The following PTPRD variants were observed in gnomAD, a reference collection of about 807,000 sequenced individuals.
The protein encoded by PTPRD is protein tyrosine phosphatase receptor type D, also known as receptor-type tyrosine-protein phosphatase delta.
PTPRD carries 34 observed loss-of-function variants against 214.5 expected under a neutral mutation model. The ratio of observed to expected loss-of-function variants is 0.16; its 90% CI spans 0.12 to 0.21. The LOEUF is 0.21. PTPRD is among the 10% of genes least tolerant of loss of function. PTPRD has a pLI of 1.00. For missense variants in PTPRD, 2,545 were observed against 2,398.7 expected, an observed-to-expected ratio of 1.06 and a Z score of -1.27; for synonymous variants, 1,128 against 845.7, an observed-to-expected ratio of 1.33 and a Z score of -5.79.
chr9:8,940,063 T>C (rs911629685), intron 11 of PTPRD, among the ~76,000 whole-genome samples: 3 of 8,032 alleles, frequency 3.7e-4, no homozygotes, highest in Non-Finnish European at 1.1e-3. Context: ...ACAAATAAGT[T>C]TGGAAAAAAA....
intron 43 of PTPRD, among the ~76,000 whole-genome samples, chr9:8,332,290 G>GTATC (rs1296559556): frequency 6.6e-6 from 1 of 152,046 alleles, no homozygotes; most frequent in Non-Finnish European, 1.5e-5. Flanking sequence ...GAAATTTAAA[G>GTATC]TATCTGACAC....
At chr9:9,825,187 G>C (rs1171110701) in intron 5 of PTPRD, among the ~76,000 whole-genome samples, 1 of 151,784 alleles carries the variant, frequency 6.6e-6, no homozygotes, top group Non-Finnish European at 1.5e-5. Flanking sequence ...CTCAGTGGTA[G>C]AGTTCATATA....
At chr9:9,576,080 TTGAG>T (rs2088647540) in intron 7 of PTPRD, among the ~76,000 whole-genome samples, 1 of 152,132 alleles carries the variant, frequency 6.6e-6, no homozygotes, top group Non-Finnish European at 1.5e-5. Context: ...TTATAATAGA[TTGAG>T]TCTTTTATGT....
At chr9:10,176,040 T>C (rs1288294585) in intron 3 of PTPRD, among the ~76,000 whole-genome samples, 1 of 151,986 alleles carries the variant, frequency 6.6e-6, no homozygotes, top group African/African-American at 2.4e-5. Context: ...TTGTGAACAA[T>C]ATTTGTTTGG....
intron 44 of PTPRD, among the ~76,000 whole-genome samples, chr9:8,322,467 C>T (rs555882052): frequency 6.6e-6 from 1 of 152,144 alleles, no homozygotes; most frequent in Non-Finnish European, 1.5e-5. Context: ...TAAAGGCCTG[C>T]ATAGAAGATC....
intron 9 of PTPRD, among the ~76,000 whole-genome samples, chr9:9,317,063 G>A (rs535550474): frequency 3.4e-4 from 51 of 152,186 alleles, no homozygotes; most frequent in Non-Finnish European, 2.8e-4. Flanking sequence ...TACTGATCTA[G>A]AAGCTTGTTT....
At chr9:9,579,053 G>C (rs2089946969) in intron 7 of PTPRD, among the ~76,000 whole-genome samples, 1 of 152,076 alleles carries the variant, frequency 6.6e-6, no homozygotes, top group Admixed American at 6.6e-5. Flanking sequence ...TTGCTTCAGA[G>C]CCTATGCTCT....
chr9:9,599,966 A>G (rs535827727), intron 7 of PTPRD, among the ~76,000 whole-genome samples: 22 of 152,128 alleles, frequency 1.4e-4, no homozygotes, highest in African/African-American at 4.3e-4. Context: ...TACCATCTCA[A>G]TTGTCCCCAG....
chr9:8,420,489 C>T (rs988933519), intron 35 of PTPRD, among the ~76,000 whole-genome samples: 33 of 152,134 alleles, frequency 2.2e-4, no homozygotes, highest in African/African-American at 7.5e-4. Flanking sequence ...CAAAGTTCAT[C>T]TGTTTATTCT....
intron 3 of PTPRD, among the ~76,000 whole-genome samples, chr9:10,098,271 C>G (rs986030957): frequency 6.8e-6 from 1 of 147,720 alleles, no homozygotes; most frequent in African/African-American, 2.5e-5. Flanking sequence ...CGTGTTCTCA[C>G]TCACAGGTGG....
At chr9:8,726,560 G>A (rs1162765453) in intron 12 of PTPRD, among the ~76,000 whole-genome samples, 7 of 94,624 alleles carry the variant, frequency 7.4e-5, no homozygotes, top group Non-Finnish European at 1.4e-4. Context: ...GGAGAAACTC[G>A]GTCTCTACTA....
intron 11 of PTPRD, among the ~76,000 whole-genome samples, chr9:8,803,421 G>A (rs746511376): frequency 1.4e-4 from 22 of 152,176 alleles, no homozygotes; most frequent in Non-Finnish European, 2.8e-4. Flanking sequence ...GAAGCTCTTT[G>A]ACACTCCCTT....
At chr9:8,444,498 T>C (rs2095653162) in intron 34 of PTPRD, among the ~76,000 whole-genome samples, 1 of 151,986 alleles carries the variant, frequency 6.6e-6, no homozygotes, top group Non-Finnish European at 1.5e-5. Flanking sequence ...ATTGGAGTAA[T>C]GACACAAAAT....
intron 5 of PTPRD, among the ~76,000 whole-genome samples, chr9:9,842,414 G>A (rs1381662767): frequency 6.7e-6 from 1 of 148,662 alleles, no homozygotes; most frequent in South Asian, 2.1e-4. Context: ...TGAAAAGTGG[G>A]ATTAAATCCA....
At chr9:9,825,398 G>C (rs1013372694) in intron 5 of PTPRD, among the ~76,000 whole-genome samples, 1 of 103,700 alleles carries the variant, frequency 9.6e-6, no homozygotes, top group Non-Finnish European at 1.9e-5. Flanking sequence ...GAGAGAGACA[G>C]AGAGAGAAAG....
chr9:9,793,886 A>G (rs927957020), intron 5 of PTPRD, among the ~76,000 whole-genome samples: 3 of 152,080 alleles, frequency 2.0e-5, no homozygotes, highest in African/African-American at 4.8e-5. Flanking sequence ...TTTTAGTTGT[A>G]TGGTACTGGA....
rs530779972 is a variant in PTPRD at position 8,451,884 on chromosome 9, T to C, written c.3876-2047A>G. 1.0e-4 allele frequency: 51 copies of C among 500,374 alleles called. No individual in the cohort carries two copies. In the East Asian group the frequency reaches 2.8e-3, roughly 27 times the overall value. 31.0% of individuals were successfully genotyped at this position (500,374 alleles called of 1,614,324 possible). On this transcript the variant is annotated intron_variant, in intron 33 of 45. Coordinates refer to ENST00000381196, the MANE Select transcript of PTPRD (RefSeq NM_002839.4). ...GAAATATCTATCTGGGCAAGAAAACTACTTTACTCTTACAGGTATTGTAGG... is the reference window on the plus strand; with the variant it reads ...GAAATATCTATCTGGGCAAGAAAACCACTTTACTCTTACAGGTATTGTAGG...
intron 3 of PTPRD, among the ~76,000 whole-genome samples, chr9:10,292,010 C>G (rs906337975): frequency 6.6e-6 from 1 of 151,982 alleles, no homozygotes; most frequent in Non-Finnish European, 1.5e-5. Flanking sequence ...TTTCCATGCA[C>G]TAAGTAGCCT....
At chr9:9,532,393 C>A (rs143812782) in intron 8 of PTPRD, among the ~76,000 whole-genome samples, 16 of 152,278 alleles carry the variant, frequency 1.1e-4, no homozygotes, top group African/African-American at 3.8e-4. Flanking sequence ...CCTTACCAAA[C>A]CAAGACCCAA....
Sources: gnomAD v4.1 joint callset for allele counts (sites outside exome capture counted in the v4.1 genomes callset) on GRCh38, gnomAD v4.1.1 for gene constraint, MANE v1.5 for transcripts, NCBI Gene and HGNC (gene_info 2026-07-23, HGNC 2026-07-21) for gene names.